ENTREP2: variants seen among roughly 807,000 people sequenced by gnomAD.
ENTREP2 encodes endosomal transmembrane epsin interactor 2, also known as protein ENTREP2.
chr15:29,269,789 G>C, the ENTREP2 span: 3 of 1,274,092 alleles, frequency 2.4e-6, no homozygotes, highest in African/African-American at 1.6e-5. Flanking sequence ...GCTAACGCCG[G>C]TGCCTGGAGG....
the ENTREP2 span, among the ~76,000 whole-genome samples, chr15:29,524,645 C>T: frequency 3.3e-5 from 5 of 152,226 alleles, no homozygotes; most frequent in Middle Eastern, 3.2e-3. Flanking sequence ...GGAACAATGG[C>T]GAGCCTTTAG....
the ENTREP2 span, among the ~76,000 whole-genome samples, chr15:29,448,443 G>A: frequency 2.6e-5 from 4 of 152,304 alleles, no homozygotes; most frequent in East Asian, 7.7e-4. Context: ...GGACAGCTCT[G>A]ACTGCCTGTT....
the ENTREP2 span, among the ~76,000 whole-genome samples, chr15:29,588,278 A>G: frequency 5.9e-5 from 9 of 152,076 alleles, no homozygotes; most frequent in African/African-American, 1.9e-4. Flanking sequence ...TCCAGACTCC[A>G]AATGTCCTCG....
At chr15:29,441,693 T>C in the ENTREP2 span, among the ~76,000 whole-genome samples, 3 of 152,170 alleles carry the variant, frequency 2.0e-5, no homozygotes, top group Non-Finnish European at 4.4e-5. Context: ...AGTATTTACA[T>C]GCATCATCCC....
chr15:29,600,602 T>C, the ENTREP2 span, among the ~76,000 whole-genome samples: 1 of 152,194 alleles, frequency 6.6e-6, no homozygotes, highest in Non-Finnish European at 1.5e-5. Context: ...AAACCTGTTC[T>C]ATCATATCAT....
chr15:29,402,090 G>A, the ENTREP2 span, among the ~76,000 whole-genome samples: 2 of 151,978 alleles, frequency 1.3e-5, no homozygotes, highest in Admixed American at 1.3e-4. Flanking sequence ...TTAAAACTCT[G>A]CATACCATTG....
chr15:29,666,899 AT>A, the ENTREP2 span, among the ~76,000 whole-genome samples: 2 of 152,350 alleles, frequency 1.3e-5, no homozygotes, highest in Admixed American at 6.5e-5. Flanking sequence ...CTGAGAAAGA[AT>A]CTATCTTACT....
the ENTREP2 span, among the ~76,000 whole-genome samples, chr15:29,509,964 G>A: frequency 6.6e-6 from 1 of 152,056 alleles, no homozygotes. Flanking sequence ...GAGTGAACAG[G>A]CAACCTACAA....
the ENTREP2 span, among the ~76,000 whole-genome samples, chr15:29,556,769 C>CT: frequency 1.2e-4 from 12 of 103,916 alleles, no homozygotes; most frequent in Admixed American, 4.1e-4. Flanking sequence ...GGTGCCCCCC[C>CT]CCCGCCCCAC....
chr15:29,220,337 C>T, the ENTREP2 span, among the ~76,000 whole-genome samples: 2 of 152,322 alleles, frequency 1.3e-5, no homozygotes, highest in South Asian at 2.1e-4. Flanking sequence ...TCTGTCCAAG[C>T]TCATTAGAAT....
chr15:29,536,978 C>A, the ENTREP2 span, among the ~76,000 whole-genome samples: 1 of 152,198 alleles, frequency 6.6e-6, no homozygotes, highest in Non-Finnish European at 1.5e-5. Flanking sequence ...TCAGGTTGGA[C>A]TTCCAGCCTC....
At chr15:29,551,624 T>G in the ENTREP2 span, among the ~76,000 whole-genome samples, 3 of 151,932 alleles carry the variant, frequency 2.0e-5, no homozygotes, top group Non-Finnish European at 4.4e-5. Context: ...TTCTTTTCTA[T>G]TAAAAAATAA....
chr15:29,585,855 CAAAAAAA>C, the ENTREP2 span, among the ~76,000 whole-genome samples: 59,014 of 111,648 alleles, frequency 0.53, 15,052 homozygotes, highest in Non-Finnish European at 0.65. Context: ...GACTCTGTCT[CAAAAAAA>C]AAAAAAAAAA....
chr15:29,266,145 A>G, the ENTREP2 span: 1 of 152,234 alleles, frequency 6.6e-6, no homozygotes, highest in Non-Finnish European at 1.5e-5. Context: ...GGTCTAAGAC[A>G]TGAAATCTGA....
the ENTREP2 span, among the ~76,000 whole-genome samples, chr15:29,329,713 A>C: frequency 6.6e-6 from 1 of 152,344 alleles, no homozygotes; most frequent in Admixed American, 6.5e-5. Flanking sequence ...GAACGTGATA[A>C]AAATTAATAA....
chr15:29,468,519 C>T, the ENTREP2 span, among the ~76,000 whole-genome samples: 5 of 149,862 alleles, frequency 3.3e-5, no homozygotes, highest in Non-Finnish European at 4.4e-5. Flanking sequence ...CTGAGGCAGG[C>T]GAATCGCTTG....
At chr15:29,384,999 C>T in the ENTREP2 span, among the ~76,000 whole-genome samples, 16 of 152,138 alleles carry the variant, frequency 1.1e-4, no homozygotes, top group Admixed American at 2.0e-4. Flanking sequence ...AAATCTTACC[C>T]GTTCTTCAAC....
At chr15:29,269,026 A>G in the ENTREP2 span, 1 of 1,614,002 alleles carries the variant, frequency 6.2e-7, no homozygotes, top group Non-Finnish European at 8.5e-7. Context: ...CTGTCGCACA[A>G]AGTCCTCAGT....
At chr15:29,537,813 T>A in the ENTREP2 span, among the ~76,000 whole-genome samples, 3 of 152,104 alleles carry the variant, frequency 2.0e-5, no homozygotes, top group African/African-American at 2.4e-5. Context: ...CCCATCATTG[T>A]TTCCCATTGC....
Sources: allele counts gnomAD v4.1 joint callset (sites outside exome capture counted in the v4.1 genomes callset), GRCh38; gene constraint gnomAD v4.1.1; transcripts MANE v1.5; gene names NCBI Gene and HGNC (gene_info 2026-07-23, HGNC 2026-07-21).